The following IL17RD variants were observed in gnomAD, a reference collection of about 807,000 sequenced individuals.
IL17RD encodes the protein interleukin 17 receptor D.
A neutral mutation model predicts 80.5 loss-of-function variants in IL17RD; 52 were observed. The ratio of observed to expected loss-of-function variants is 0.65; its 90% confidence interval spans 0.52 to 0.81. The LOEUF (loss-of-function observed/expected upper bound fraction) is 0.81, where lower values mean the gene tolerates loss of function less well. Ranked by LOEUF, IL17RD falls within the 40% of genes least tolerant of loss-of-function variation. IL17RD has a pLI of 0.00. For missense variants in IL17RD, 1,024 were observed against 955.1 expected (o/e 1.07, Z -0.95); for synonymous variants, 416 against 391.8 (o/e 1.06, Z -0.73).
rs1221357697 is a variant in IL17RD at position 57,114,054 on chromosome 3, G to C, written c.310+638C>G. Among the ~76,000 whole-genome samples the C allele has an allele frequency of 6.2e-5, 9 of 145,434 alleles. No homozygotes were observed. The Admixed American group carries it at 6.6e-4, about 11-fold the overall frequency. On this transcript the variant is annotated intron_variant, in intron 3 of 12. Transcript: ENST00000296318. Reference sequence around the variant, plus strand: ...CAAAAATTAGCTGGGTGTGGTGGTGGGCACTTATAATCCCAGCTACTCGGG... The same window carrying C: ...CAAAAATTAGCTGGGTGTGGTGGTGCGCACTTATAATCCCAGCTACTCGGG...
chr3:57,138,041 G>A (rs1005167123), intron 1 of IL17RD, among the ~76,000 whole-genome samples: 9 of 152,144 alleles, frequency 5.9e-5, no homozygotes, highest in Non-Finnish European at 1.0e-4. Flanking sequence ...ATTTATATGC[G>A]GTATTTAGAG....
rs766995297 is a variant in IL17RD, at chr3:57,098,149, G to A, written c.1554C>T (p.Leu518=). ...CSHLHSRDHG[L]QEPGQHTRQG... is the part of the protein sequence containing the mutation. ...GTCGCGTGTGCTGCCCCGGCTCCTGGAGGCCGTGGTCTCGGGAGTGCAAGT... is the reference window on the plus strand; with the variant it reads ...GTCGCGTGTGCTGCCCCGGCTCCTGAAGGCCGTGGTCTCGGGAGTGCAAGT... The change falls in exon 12 of 13, where the codon CTC becomes CTT. Residue 518 remains leucine (L), a synonymous_variant. Transcript: ENST00000296318. 1 of 1,613,984 alleles carries A rather than the reference G, an allele frequency of 6.2e-7. No individual in the cohort carries two copies. Among genetic ancestry groups the A allele is most frequent in the Non-Finnish European group, 8.5e-7 (1 of 1,179,878 alleles).
intron 1 of IL17RD, among the ~76,000 whole-genome samples, chr3:57,153,293 A>G (rs932764024): frequency 6.6e-6 from 1 of 152,252 alleles, no homozygotes; most frequent in African/African-American, 2.4e-5. Flanking sequence ...TCTTATTGCT[A>G]AAACTGCATC....
At chr3:57,121,481 A>C (rs898560206) in intron 1 of IL17RD, among the ~76,000 whole-genome samples, 7 of 151,984 alleles carry the variant, frequency 4.6e-5, no homozygotes, top group East Asian at 1.9e-4. Flanking sequence ...TGGACACACC[A>C]CCCACCCCCC....
At chr3:57,101,982 A>T (rs1249769698) in intron 10 of IL17RD, among the ~76,000 whole-genome samples, 2 of 145,652 alleles carry the variant, frequency 1.4e-5, no homozygotes, top group African/African-American at 5.1e-5. Flanking sequence ...ATTATGGGCC[A>T]GATGCAGTGT....
intron 1 of IL17RD, among the ~76,000 whole-genome samples, chr3:57,136,162 C>T (rs1356579223): frequency 6.6e-6 from 1 of 152,146 alleles, no homozygotes; most frequent in Non-Finnish European, 1.5e-5. Flanking sequence ...ACATTACAGC[C>T]GTGTGGAAAC....
At chr3:57,156,226 G>A (rs2060266213) in intron 1 of IL17RD, among the ~76,000 whole-genome samples, 1 of 152,134 alleles carries the variant, frequency 6.6e-6, no homozygotes, top group African/African-American at 2.4e-5. Flanking sequence ...GCAGCAAGTT[G>A]CTATTGGAAA....
At chr3:57,114,076 C>T (rs565260691) in intron 3 of IL17RD, among the ~76,000 whole-genome samples, 1 of 151,510 alleles carries the variant, frequency 6.6e-6, no homozygotes, top group East Asian at 2.0e-4. Flanking sequence ...CCCAGCTACT[C>T]GGGCAGCTGA....
intron 11 of IL17RD, among the ~76,000 whole-genome samples, chr3:57,100,640 C>T (rs767931985): frequency 2.0e-4 from 31 of 152,168 alleles, no homozygotes; most frequent in Admixed American, 7.9e-4. Context: ...TATGATTCCA[C>T]CAGTCAATGG....
upstream of IL17RD, among the ~76,000 whole-genome samples, chr3:57,166,910 T>C (rs2060350981): frequency 6.6e-6 from 1 of 152,216 alleles, no homozygotes; most frequent in Non-Finnish European, 1.5e-5. Flanking sequence ...ATTCCTGCAC[T>C]TTCTCTTGTG....
rs2107461632 is a variant in IL17RD at position 57,097,723 on chromosome 3, C to A, written c.1980G>T (p.Arg660=). 6.2e-7 allele frequency: 1 copy of A among 1,603,026 alleles called. No homozygotes were observed. Among genetic ancestry groups the A allele is most frequent in the Non-Finnish European group, 8.5e-7 (1 of 1,173,940 alleles). Residue 660 remains arginine (R), a synonymous_variant, in exon 12 of 13, where the codon CGG becomes CGT. Transcript: ENST00000296318. ...VKAGSPSDMP[R]DSGIYDSSVP... is the part of the protein sequence containing the mutation. ...CAGACGAGTCATAGATGCCTGAGTC[C>A]CGCGGCATGTCCGAGGGGCTGCCGG...
At chr3:57,130,330 A>G (rs557159900) in intron 1 of IL17RD, among the ~76,000 whole-genome samples, 4 of 152,342 alleles carry the variant, frequency 2.6e-5, no homozygotes, top group African/African-American at 9.6e-5. Context: ...TGGCTTTGCC[A>G]GTTCCCTGGG....
intron 1 of IL17RD, among the ~76,000 whole-genome samples, chr3:57,146,749 CA>C (rs201495065): frequency 0.31 from 22,968 of 75,036 alleles, 1,861 homozygotes; most frequent in East Asian, 0.48. Flanking sequence ...GACTGCATCT[CA>C]AAAAAAAAAA....
At chr3:57,106,196 GT>G in intron 5 of IL17RD, 42 bp from the exon 6 acceptor site, 1 of 1,481,172 alleles carries the variant, frequency 6.8e-7, no homozygotes, top group Non-Finnish European at 9.3e-7. Context: ...TTTTAGGACA[GT>G]TAGACATTTT....
intron 1 of IL17RD, among the ~76,000 whole-genome samples, chr3:57,128,216 C>T (rs545196609): frequency 6.6e-6 from 1 of 152,208 alleles, no homozygotes; most frequent in Admixed American, 6.5e-5. Context: ...GCTGGGTTCC[C>T]ACCAGCAATT....
chr3:57,150,537 C>CCG (rs2107535851), intron 1 of IL17RD: 1 of 152,326 alleles, frequency 6.6e-6, no homozygotes, highest in Admixed American at 6.5e-5. Context: ...TTGTCTACCT[C>CCG]CGAGGCTTGC....
At chr3:57,153,940 T>A (rs1399494733) in intron 1 of IL17RD, among the ~76,000 whole-genome samples, 1 of 151,994 alleles carries the variant, frequency 6.6e-6, no homozygotes, top group Non-Finnish European at 1.5e-5. Context: ...TCTTCCTGTA[T>A]CGTTTCAGAA....
chr3:57,097,947 A>G lies in IL17RD; in HGVS notation c.1756T>C (p.Leu586=). 6.2e-7 allele frequency: 1 copy of G among 1,614,042 alleles called. No homozygotes were observed. Among genetic ancestry groups the G allele is most frequent in the Non-Finnish European group, 8.5e-7 (1 of 1,179,892 alleles). ...TTGCACATGACATCATTTAAAACCA[A>G]GCCCGAATCAAATTTCTCCAAGACT... ...EPVLEKFDSG[L]VLNDVMCKPG... is the part of the protein sequence containing the mutation. Residue 586 remains leucine (L), a synonymous_variant, in exon 12 of 13, where the codon TTG becomes CTG. Coordinates refer to ENST00000296318, the MANE Select transcript of IL17RD (RefSeq NM_017563.5).
At position 57,098,142 on chromosome 3, in the gene IL17RD, G is replaced by T; in HGVS notation, c.1561C>A (p.Pro521Thr). The T allele has an allele frequency of 1.2e-6, 2 of 1,613,996 alleles. No homozygotes were observed. The highest frequency in any genetic ancestry group is 2.2e-5 in the South Asian group (2 of 91,078). The change falls in exon 12 of 13, where the codon CCG (proline) becomes ACG (threonine). Residue 521 changes from proline to threonine, a missense_variant. Transcript: ENST00000296318. ...CTGCCCTGTCGCGTGTGCTGCCCCG[G>T]CTCCTGGAGGCCGTGGTCTCGGGAG... The part of the protein sequence containing the change: ...LHSRDHGLQE[P>T]GQHTRQGSRR...
Sources: allele counts gnomAD v4.1 joint callset (sites outside exome capture counted in the v4.1 genomes callset), GRCh38; gene constraint gnomAD v4.1.1; transcripts MANE v1.5; gene names NCBI Gene and HGNC (gene_info 2026-07-23, HGNC 2026-07-21).